The following BCL9L variants were observed in gnomAD, a reference collection of about 807,000 sequenced individuals.
The protein encoded by BCL9L is B-cell CLL/lymphoma 9-like protein.
Under a neutral mutation model 99.4 loss-of-function variants are expected in BCL9L, and 19 were observed. That is an observed-to-expected ratio of 0.19 (90% confidence interval 0.13 to 0.28). The LOEUF is 0.28. BCL9L is among the 10% of genes least tolerant of loss of function. The pLI is 1.00. For missense variants in BCL9L, 2,023 were observed against 2,101.6 expected (o/e 0.96, Z 0.73); for synonymous variants, 900 against 854.8 (o/e 1.05, Z -0.92).
chr11:118,906,542 G>GT (rs1940527690), intron 5 of BCL9L, among the ~76,000 whole-genome samples: 1 of 152,232 alleles, frequency 6.6e-6, no homozygotes, highest in Admixed American at 6.5e-5. Context: ...CAGGGCTGTT[G>GT]TAAGGATTAA....
Position 118,908,332 on chromosome 11 carries a change from A to G in BCL9L, c.350T>C (p.Val117Ala). 6.2e-7 allele frequency: 1 copy of G among 1,605,726 alleles called. No individual in the cohort carries two copies. Among genetic ancestry groups the G allele is most frequent in the East Asian group, 2.2e-5 (1 of 44,734 alleles). ...TCGCTGCTCTCCAGAGTCCACAGACACACTCCGGTCCCTCTTCACCTTGCC... is the reference window on the plus strand; with the variant it reads ...TCGCTGCTCTCCAGAGTCCACAGACGCACTCCGGTCCCTCTTCACCTTGCC... ...LKGKVKRDRS[V>A]SVDSGEQREA... Residue 117 changes from valine (V) to alanine (A), a missense_variant, in exon 4 of 10, where the codon GTG becomes GCG. Coordinates refer to ENST00000683865, the MANE Select transcript of BCL9L (RefSeq NM_001378213.1).
rs150552752 is a variant in BCL9L at position 118,901,961 on chromosome 11, G to A, written c.1782C>T (p.Gly594=). ...AACGGGGCCCAGGAAAGGGAGGTCC[G>A]CCCCGGAGCTGCATGGGATCTTGAA... ...MDVQDPMQLR[G]GPPFPGPRFP... is the part of the protein sequence containing the mutation. Residue 594 remains glycine (G), a synonymous_variant, in exon 8 of 10, where the codon GGC becomes GGT. Coordinates refer to ENST00000683865, the MANE Select transcript of BCL9L (RefSeq NM_001378213.1). The surrounding 1 kb of genome is among the most constrained non-coding windows in gnomAD (Gnocchi z 6.6). 250 of 1,612,594 alleles carry A rather than the reference G, an allele frequency of 1.6e-4. 1 individual carries two copies. In the African/African-American group the frequency reaches 2.6e-3, roughly 17 times the overall value.
intron 3 of BCL9L, among the ~76,000 whole-genome samples, chr11:118,909,348 G>C (rs1366722137): frequency 1.3e-5 from 2 of 152,156 alleles, no homozygotes; most frequent in Non-Finnish European, 2.9e-5. Flanking sequence ...TTAAGCTCCA[G>C]CCCGCTCCCC....
At chr11:118,899,783 C>G in intron 9 of BCL9L, 134 bp downstream of exon 9, 2 of 1,301,180 alleles carry the variant, frequency 1.5e-6, no homozygotes, top group Non-Finnish European at 2.1e-6. Context: ...CGAGTGGGAA[C>G]AGCATCCCGG....
At position 118,900,137 on chromosome 11, in the gene BCL9L, G is replaced by A. The variant is rs139315833; in HGVS notation, c.3186C>T (p.Ser1062=). The change falls in exon 9 of 10, where the codon AGC becomes AGT. Residue 1062 remains serine, a synonymous_variant. Coordinates refer to ENST00000683865, the MANE Select transcript of BCL9L (RefSeq NM_001378213.1). This position sits in a 1 kb window ranked among gnomAD's most constrained non-coding sequence, Gnocchi z 5.3. The part of the protein sequence containing the change: ...SSSAPPANPP[S]GLMNPSLPFT... ...ATGGTAGGCTGGGGTTCATGAGGCC[G>A]CTGGGAGGGTTGGCGGGAGGTGCTG... 1.9e-4 allele frequency: 311 copies of A among 1,613,096 alleles called. 1 individual carries two copies. The highest frequency in any genetic ancestry group is 1.9e-3 in the South Asian group (174 of 91,060).
At chr11:118,906,304 G>A (rs1940517015) in intron 5 of BCL9L, among the ~76,000 whole-genome samples, 1 of 152,216 alleles carries the variant, frequency 6.6e-6, no homozygotes, top group Non-Finnish European at 1.5e-5. Context: ...CTGGGAAGCA[G>A]TAAAGGCTTC....
In BCL9L at chr11:118,902,344, C is replaced by T. The variant is rs193299716; in HGVS notation, c.1399G>A (p.Glu467Lys). 1 of 1,540,330 alleles carries T rather than the reference C, an allele frequency of 6.5e-7. No homozygotes were observed. The highest frequency in any genetic ancestry group is 2.0e-5 in the Admixed American group (1 of 49,358). ...APPSGLKKYE[E>K]PLQSMISQTQ... ...TGTGAAATCATGGACTGCAAGGGTT[C>T]CTCATATTTCTTCAGCCCGCTGGGA... The change falls in exon 8 of 10, where the codon GAA (glutamate) becomes AAA (lysine). Residue 467 changes from glutamate (E) to lysine (K), a missense_variant. By Grantham distance (56) the Glu-to-Lys change is moderately conservative. Around this residue, in one of 3 missense-constraint regions of BCL9L, gnomAD observed 1,116 missense variants for 1,194.6 expected, o/e 0.93. Coordinates refer to ENST00000683865, the MANE Select transcript of BCL9L (RefSeq NM_001378213.1). This position sits in a 1 kb window ranked among gnomAD's most constrained non-coding sequence, Gnocchi z 7.8.
rs1267106169 is a variant in BCL9L, at chr11:118,896,882, GAA to G, written c.*1531_*1532del. The G allele has an allele frequency of 6.5e-6, 1 of 152,752 alleles. No individual in the cohort carries two copies. Among genetic ancestry groups the G allele is most frequent in the East Asian group, 1.9e-4 (1 of 5,192 alleles). 9.5% of individuals were successfully genotyped at this position (152,752 alleles called of 1,614,324 possible). A position where few individuals can be genotyped will look rare whatever the true frequency, so the allele number is the denominator to read the frequency against. On this transcript the variant is annotated 3_prime_UTR_variant, in exon 10 of 10. Coordinates refer to ENST00000683865, the MANE Select transcript of BCL9L (RefSeq NM_001378213.1). ...GGCAGGAAAGGAAGTGAGAAAAGGA[GAA>G]GTTTTTTTACTCCTGGGGCCAAAGT...
At position 118,900,040 on chromosome 11, in the gene BCL9L, C is replaced by A; in HGVS notation, c.3283G>T (p.Ala1095Ser). ...SLMMTQMSKY[A>S]MPSSTPLYHN... Reference sequence around the variant, plus strand: ...TAGAGCGGGGTGGAGCTGGGCATGGCGTACTTGGACATCTGGGTCATCATC... The same window carrying A: ...TAGAGCGGGGTGGAGCTGGGCATGGAGTACTTGGACATCTGGGTCATCATC... The change falls in exon 9 of 10, where the codon GCC becomes TCC. Residue 1095 changes from alanine (A) to serine (S), a missense_variant. Physicochemically the swap from Ala to Ser is moderately conservative, Grantham distance 99. Transcript: ENST00000683865. The surrounding 1 kb of genome is among the most constrained non-coding windows in gnomAD (Gnocchi z 5.3). The A allele has an allele frequency of 6.2e-7, 1 of 1,613,906 alleles. No homozygotes were observed. Among genetic ancestry groups the A allele is most frequent in the Non-Finnish European group, 8.5e-7 (1 of 1,179,972 alleles).
chr11:118,911,431 G>A, intron 2 of BCL9L: 1 of 354,140 alleles, frequency 2.8e-6, no homozygotes, highest in Non-Finnish European at 5.8e-6. Context: ...CACTCCAGCC[G>A]TGTCTCTGGG....
chr11:118,904,932 G>A (rs779115822), intron 5 of BCL9L, among the ~76,000 whole-genome samples: 41 of 152,342 alleles, frequency 2.7e-4, no homozygotes, highest in Middle Eastern at 3.4e-3. Flanking sequence ...GAAGGCTGCT[G>A]AGTAGCTCTT....
rs375610916 is a variant in BCL9L, at chr11:118,902,470, C to T, written c.1273G>A (p.Gly425Arg). ...RDIERLLLRSGETEPFLKGPP... is the reference protein window; with the variant it reads ...RDIERLLLRSRETEPFLKGPP... ...CCCTTGAGGAAGGGCTCAGTCTCTC[C>T]GCTGCGGAGCAGCAGTCGCTCAATG... Residue 425 changes from glycine (G) to arginine (R), a missense_variant, in exon 8 of 10, where the codon GGA (glycine) becomes AGA (arginine). Gly to Arg is a moderately radical substitution (Grantham distance 125, BLOSUM62 -2). This residue lies in a region of BCL9L where 1,116 missense variants were observed against 1,194.6 expected (regional missense o/e 0.93). Transcript: ENST00000683865. The surrounding 1 kb of genome is among the most constrained non-coding windows in gnomAD (Gnocchi z 7.8). 283 of 1,608,892 alleles carry T rather than the reference C, an allele frequency of 1.8e-4. 1 individual carries two copies. The South Asian group carries it at 2.2e-3, about 13-fold the overall frequency.
In BCL9L at chr11:118,901,732, T is replaced by A. The variant is rs752525667; in HGVS notation, c.2011A>T (p.Thr671Ser). ...AGCAGCTCCTCACGGACCCGGGGAG[T>A]CATGAATCGCTCCGCCTCACCCTGC... is the stretch of plus-strand genomic sequence containing the variant. ...GGQGEAERFM[T>S]PRVREELLRH... is the part of the protein sequence containing the mutation. The change falls in exon 8 of 10, where the codon ACT (threonine) becomes TCT (serine). Residue 671 changes from threonine to serine, a missense_variant. Coordinates refer to ENST00000683865, the MANE Select transcript of BCL9L (RefSeq NM_001378213.1). This position sits in a 1 kb window ranked among gnomAD's most constrained non-coding sequence, Gnocchi z 6.6. The A allele has an allele frequency of 1.4e-5, 22 of 1,612,766 alleles. No homozygotes were observed. In the South Asian group the frequency reaches 1.5e-4, roughly 11 times the overall value.
chr11:118,903,309 C>A lies in BCL9L; in HGVS notation c.676G>T (p.Gly226Cys). The A allele has an allele frequency of 6.3e-7, 1 of 1,577,306 alleles. No homozygotes were observed. Among genetic ancestry groups the A allele is most frequent in the Non-Finnish European group, 8.6e-7 (1 of 1,162,352 alleles). ...TTTCCGGGGACGCCCCCGCCCCCGC[C>A]CCCGCCCCCAGGGGCATCAGGCCGA... Reference protein sequence around the residue: ...GLRPDAPGGGGGGGGVPGKPP... With the variant: ...GLRPDAPGGGCGGGGVPGKPP... The change falls in exon 6 of 10, where the codon GGC becomes TGC. Residue 226 changes from glycine (G) to cysteine (C), a missense_variant. Coordinates refer to ENST00000683865, the MANE Select transcript of BCL9L (RefSeq NM_001378213.1). The surrounding 1 kb of genome is among the most constrained non-coding windows in gnomAD (Gnocchi z 5.6).
In BCL9L at chr11:118,900,334, A is replaced by T. The variant is rs1317852106; in HGVS notation, c.3125-136T>A. The T allele has an allele frequency of 8.5e-7, 1 of 1,173,302 alleles. No individual in the cohort carries two copies. Among genetic ancestry groups the T allele is most frequent in the Non-Finnish European group, 1.2e-6 (1 of 860,696 alleles). The allele number at this position is 1,173,302 out of a possible 1,614,324, so 72.7% of individuals were successfully genotyped here. Reference sequence around the variant, plus strand: ...CCTTCAGACACACCCACAGGCCCCCACTATCTCCAGAGCCCACCAGTCTTC... The same window carrying T: ...CCTTCAGACACACCCACAGGCCCCCTCTATCTCCAGAGCCCACCAGTCTTC... On this transcript the variant is annotated intron_variant, in intron 8 of 9. Coordinates refer to ENST00000683865, the MANE Select transcript of BCL9L (RefSeq NM_001378213.1). The surrounding 1 kb of genome is among the most constrained non-coding windows in gnomAD (Gnocchi z 5.3).
chr11:118,924,265 A>T (rs1463777038), intron 1 of BCL9L, among the ~76,000 whole-genome samples: 1 of 151,812 alleles, frequency 6.6e-6, no homozygotes, highest in East Asian at 1.9e-4. Flanking sequence ...GCTCAAACAC[A>T]CGCCCAGTTC....
At chr11:118,906,167 C>T (rs975683635) in intron 5 of BCL9L, among the ~76,000 whole-genome samples, 1 of 152,210 alleles carries the variant, frequency 6.6e-6, no homozygotes, top group Non-Finnish European at 1.5e-5. Context: ...GCACTCCAGC[C>T]TGGGTGTCAG....
intron 2 of BCL9L, 111 bp from the exon 3 acceptor site, chr11:118,910,126 G>A: frequency 1.4e-6 from 1 of 724,772 alleles, no homozygotes. Context: ...TGGATAGGGT[G>A]GGGTGGCACT....
intron 1 of BCL9L, among the ~76,000 whole-genome samples, chr11:118,923,053 G>T (rs543724256): frequency 6.6e-6 from 1 of 152,102 alleles, no homozygotes; most frequent in African/African-American, 2.4e-5. Context: ...GCAGAGCTGG[G>T]TGACAGTGGC....
Sources: allele counts gnomAD v4.1 joint callset (sites outside exome capture counted in the v4.1 genomes callset), GRCh38; gene constraint gnomAD v4.1.1; regional missense constraint gnomAD v4.1.1; non-coding constraint Gnocchi (gnomAD v3.1); transcripts MANE v1.5; gene names NCBI Gene and HGNC (gene_info 2026-07-23, HGNC 2026-07-21).